ATP10B: variants seen among roughly 807,000 people sequenced by gnomAD.
The protein encoded by ATP10B is ATPase phospholipid transporting 10B (putative).
In ATP10B, 122 loss-of-function variants were observed where a neutral mutation model predicts 141.2. The ratio of observed to expected loss-of-function variants is 0.86; its 90% CI spans 0.75 to 1.00. The LOEUF (loss-of-function observed/expected upper bound fraction) is 1.00. Ranked by LOEUF, ATP10B falls within the 50% of genes least tolerant of loss-of-function variation. The pLI, the probability that ATP10B is intolerant of heterozygous loss-of-function variation, is 0.00. For missense variants in ATP10B, 1,876 were observed against 1,825.3 expected (o/e 1.03, Z -0.51); for synonymous variants, 685 against 692.0 (o/e 0.99, Z 0.16).
intron 24 of ATP10B, among the ~76,000 whole-genome samples, chr5:160,580,855 AGGG>A (rs1416130353): frequency 4.6e-5 from 7 of 152,138 alleles, no homozygotes; most frequent in Non-Finnish European, 1.0e-4. Context: ...TGGTCTGTTC[AGGG>A]GTTTGACTTC....
At chr5:160,690,130 G>A (rs183218097) in intron 3 of ATP10B, among the ~76,000 whole-genome samples, 59 of 152,238 alleles carry the variant, frequency 3.9e-4, no homozygotes, top group Admixed American at 2.2e-3. Context: ...TTAATAAATG[G>A]TGCTGGGAAA....
chr5:160,723,834 C>T (rs10077844), intron 2 of ATP10B, among the ~76,000 whole-genome samples: 116,883 of 152,090 alleles, frequency 0.77, 45,221 homozygotes, highest in African/African-American at 0.84. Flanking sequence ...AGCACACGTA[C>T]GTTCACTGTA....
At chr5:160,809,512 T>C (rs1175494723) in intron 1 of ATP10B, among the ~76,000 whole-genome samples, 1 of 152,204 alleles carries the variant, frequency 6.6e-6, no homozygotes, top group East Asian at 1.9e-4. Context: ...ATATCCATCA[T>C]CTCAAACATT....
At chr5:160,760,114 G>A (rs11135114) in intron 2 of ATP10B, among the ~76,000 whole-genome samples, 47,925 of 152,064 alleles carry the variant, frequency 0.32, 7,903 homozygotes, top group Non-Finnish European at 0.36. Flanking sequence ...AACATCAAGA[G>A]AGGGATCAAA....
chr5:160,689,679 G>C (rs191066818), intron 3 of ATP10B, among the ~76,000 whole-genome samples: 33 of 152,060 alleles, frequency 2.2e-4, no homozygotes, highest in African/African-American at 6.8e-4. Context: ...GGGATGTGAG[G>C]GACCACTTCA....
chr5:160,677,623 G>A (rs1990887), intron 6 of ATP10B, among the ~76,000 whole-genome samples: 131,489 of 152,216 alleles, frequency 0.86, 56,954 homozygotes, highest in East Asian at 0.9. Context: ...GGTTAAGCTC[G>A]TGATGACTTC....
chr5:160,659,155 G>A (rs1454137004), intron 7 of ATP10B, among the ~76,000 whole-genome samples: 1 of 152,118 alleles, frequency 6.6e-6, no homozygotes, highest in Non-Finnish European at 1.5e-5. Context: ...ATAACTTTAA[G>A]ATATTATCCA....
the ATP10B span, among the ~76,000 whole-genome samples, chr5:160,880,753 A>T: frequency 5.9e-5 from 9 of 152,230 alleles, no homozygotes; most frequent in Non-Finnish European, 8.8e-5. Context: ...GCCAAAAAAA[A>T]TCTAGGCACA....
At chr5:160,871,404 G>C in the ATP10B span, among the ~76,000 whole-genome samples, 1 of 152,036 alleles carries the variant, frequency 6.6e-6, no homozygotes, top group Non-Finnish European at 1.5e-5. Flanking sequence ...TGCCGTACAG[G>C]TGGTATTTGG....
At chr5:160,818,528 G>A (rs1421269151) in intron 1 of ATP10B, among the ~76,000 whole-genome samples, 5 of 152,208 alleles carry the variant, frequency 3.3e-5, no homozygotes, top group African/African-American at 7.2e-5. Context: ...TGGAGAAATA[G>A]GAACATTTTT....
rs140766035 is a variant in ATP10B at position 160,773,601 on chromosome 5, G to A, written c.-331+11958C>T. On this transcript the variant is annotated intron_variant, in intron 2 of 25. Transcript: ENST00000327245. Reference sequence around the variant, plus strand: ...TAATAGCTGAAGAGTTATAGATTTGGAGCAGTTAATATTTTTCCAACATCA... The same window carrying A: ...TAATAGCTGAAGAGTTATAGATTTGAAGCAGTTAATATTTTTCCAACATCA... 1.8e-4 allele frequency among the ~76,000 whole-genome samples: 28 copies of A among 152,260 alleles called. No individual in the cohort carries two copies. In the East Asian group the frequency reaches 5.4e-3, roughly 29 times the overall value.
At chr5:160,873,401 A>G in the ATP10B span, among the ~76,000 whole-genome samples, 2 of 152,200 alleles carry the variant, frequency 1.3e-5, no homozygotes, top group East Asian at 3.8e-4. Flanking sequence ...CTAATGCAAT[A>G]AAGACAACAT....
chr5:160,828,595 T>A (rs1756139612), intron 1 of ATP10B, among the ~76,000 whole-genome samples: 1 of 151,414 alleles, frequency 6.6e-6, no homozygotes, highest in South Asian at 2.1e-4. Flanking sequence ...AGGAACACTT[T>A]TACACTGTTG....
intron 2 of ATP10B, among the ~76,000 whole-genome samples, chr5:160,766,126 G>A (rs148992547): frequency 5.4e-5 from 8 of 149,348 alleles, no homozygotes; most frequent in African/African-American, 1.5e-4. Flanking sequence ...TAGTATAACC[G>A]CTGTGGAAAA....
At chr5:160,695,840 G>A (rs183405351) in intron 3 of ATP10B, among the ~76,000 whole-genome samples, 1 of 152,126 alleles carries the variant, frequency 6.6e-6, no homozygotes, top group Non-Finnish European at 1.5e-5. Context: ...GTTAACTACA[G>A]GCGTTTTTAA....
the ATP10B span, among the ~76,000 whole-genome samples, chr5:160,864,822 C>T: frequency 5.9e-5 from 9 of 151,760 alleles, no homozygotes; most frequent in African/African-American, 2.2e-4. Context: ...TTTACAACAG[C>T]TGCAAAAAAA....
At chr5:160,603,868 T>A in intron 20 of ATP10B, 97 bp downstream of exon 20, 1 of 1,022,326 alleles carries the variant, frequency 9.8e-7, no homozygotes, top group Non-Finnish European at 1.5e-6. Flanking sequence ...TGGATGTGGG[T>A]GGAAGTTCTC....
In ATP10B at chr5:160,684,947, T is replaced by G. The variant is rs781071631; in HGVS notation, c.470+1132A>C. On this transcript the variant is annotated intron_variant, in intron 6 of 25. Coordinates refer to ENST00000327245, the MANE Select transcript of ATP10B (RefSeq NM_025153.3). ...ACTGCCAGGATAACACAGATTGGTA[T>G]CATGCTCACCTCAGGCTGGAAAGCA... 3 of 703,352 alleles carry G rather than the reference T, an allele frequency of 4.3e-6. No homozygotes were observed. In the South Asian group the frequency reaches 4.4e-5, roughly 10 times the overall value. The allele number at this position is 703,352 out of a possible 1,614,324, so 43.6% of individuals were successfully genotyped here.
intron 1 of ATP10B, among the ~76,000 whole-genome samples, chr5:160,825,718 T>C (rs57989923): frequency 0.013 from 1,907 of 152,268 alleles, 39 homozygotes; most frequent in African/African-American, 0.044. Context: ...GGGATACATG[T>C]GCAGGTTTAT....
Sources: gnomAD v4.1 joint callset for allele counts (sites outside exome capture counted in the v4.1 genomes callset) on GRCh38, gnomAD v4.1.1 for gene constraint, MANE v1.5 for transcripts, NCBI Gene and HGNC (gene_info 2026-07-23, HGNC 2026-07-21) for gene names.